The following TSC22D1 variants were observed in gnomAD, a reference collection of about 807,000 sequenced individuals.
TSC22D1 encodes the protein TSC22 domain family protein 1.
TSC22D1 carries 9 observed loss-of-function variants against 74.2 expected under a neutral mutation model. That is an observed-to-expected ratio of 0.12 (90% CI 0.07 to 0.21). TSC22D1 has a LOEUF of 0.21. TSC22D1 is among the 10% of genes least tolerant of loss of function. TSC22D1 has a pLI of 1.00. For synonymous variants in TSC22D1, 586 were observed against 492.5 expected (o/e 1.19, Z -2.51); for missense variants, 1,427 against 1,304.7 (o/e 1.09, Z -1.44).
intron 1 of TSC22D1, among the ~76,000 whole-genome samples, chr13:44,448,892 C>CTT (rs138708442): frequency 6.7e-6 from 1 of 150,082 alleles, no homozygotes; most frequent in South Asian, 2.1e-4. Flanking sequence ...ATTCTAGATC[C>CTT]GTGTGTGTGT....
At chr13:44,533,102 G>C (rs1880945112) in intron 1 of TSC22D1, among the ~76,000 whole-genome samples, 1 of 152,102 alleles carries the variant, frequency 6.6e-6, no homozygotes, top group African/African-American at 2.4e-5. Flanking sequence ...CTAAACTAGA[G>C]AATTCTAAAG....
intron 1 of TSC22D1, among the ~76,000 whole-genome samples, chr13:44,513,156 T>C (rs907147454): frequency 7.2e-5 from 11 of 152,234 alleles, no homozygotes; most frequent in African/African-American, 2.7e-4. Context: ...GATCTCACAG[T>C]ACTCCTCTAC....
At chr13:44,518,371 T>A (rs1880153373) in intron 1 of TSC22D1, among the ~76,000 whole-genome samples, 1 of 152,168 alleles carries the variant, frequency 6.6e-6, no homozygotes. Context: ...TTCATTCAGT[T>A]CTAATTATAG....
At chr13:44,498,079 T>A (rs1377844794) in intron 1 of TSC22D1, among the ~76,000 whole-genome samples, 4 of 144,544 alleles carry the variant, frequency 2.8e-5, no homozygotes, top group Middle Eastern at 3.4e-3. Context: ...CTGGGCAACA[T>A]GATAAAACCA....
intron 1 of TSC22D1, chr13:44,537,122 T>C (rs1881194596): frequency 2.2e-6 from 2 of 901,788 alleles, no homozygotes; most frequent in East Asian, 1.2e-4. Flanking sequence ...GGAGAAAATA[T>C]TTATTAGATT....
intron 1 of TSC22D1, among the ~76,000 whole-genome samples, chr13:44,477,888 G>A (rs1351208463): frequency 2.0e-5 from 3 of 151,994 alleles, no homozygotes; most frequent in South Asian, 2.1e-4. Context: ...TGATCTGCCC[G>A]CCTCAGCCTC....
At chr13:44,440,127 T>C (rs1875067259) in intron 1 of TSC22D1, among the ~76,000 whole-genome samples, 1 of 152,194 alleles carries the variant, frequency 6.6e-6, no homozygotes, top group Admixed American at 6.5e-5. Context: ...CAGTTAAATG[T>C]GAATGGCAGA....
intron 1 of TSC22D1, among the ~76,000 whole-genome samples, chr13:44,506,261 A>G (rs1156759639): frequency 1.3e-5 from 2 of 152,232 alleles, no homozygotes; most frequent in Admixed American, 6.5e-5. Flanking sequence ...GGAACAGTTG[A>G]GTAGGAATTC....
intron 1 of TSC22D1, among the ~76,000 whole-genome samples, chr13:44,513,381 G>A (rs1034721151): frequency 1.3e-5 from 2 of 152,220 alleles, no homozygotes; most frequent in East Asian, 3.9e-4. Context: ...ATATATAAAT[G>A]TTTTTGGTGA....
chr13:44,509,950 C>CAAAAAAACAAAA (rs1879615564), intron 1 of TSC22D1, among the ~76,000 whole-genome samples: 1 of 51,426 alleles, frequency 1.9e-5, no homozygotes, highest in Non-Finnish European at 3.6e-5. Flanking sequence ...AGAAAATAAG[C>CAAAAAAACAAAA]AAAAAAAAAA....
At chr13:44,551,393 T>A (rs113467135) in intron 1 of TSC22D1, among the ~76,000 whole-genome samples, 1 of 80,170 alleles carries the variant, frequency 1.2e-5, no homozygotes, top group African/African-American at 6.5e-5. Flanking sequence ...CAGATGGGTG[T>A]GTGTGTGTGT....
rs1595141957 is a variant in TSC22D1 at position 44,532,745 on chromosome 13, TTACAGGCGTGAGCCACCACACCCAG to T, written c.2912+40393_2912+40417del. ...GCCTCAGCCTCCCGAAGTGCTGGGA[TTACAGGCGTGAGCCACCACACCCAG>T]TCGATCTACAAAATCTTTAAGGATC... is the stretch of plus-strand genomic sequence containing the variant. On this transcript the variant is annotated intron_variant, in intron 1 of 2. Coordinates refer to ENST00000458659, the MANE Select transcript of TSC22D1 (RefSeq NM_183422.4). Among the ~76,000 whole-genome samples the T allele has an allele frequency of 1.3e-5, 2 of 152,284 alleles. 1 individual carries two copies. The highest frequency in any genetic ancestry group is 3.9e-4 in the East Asian group (2 of 5,164).
chr13:44,515,729 G>A (rs1056819908), intron 1 of TSC22D1, among the ~76,000 whole-genome samples: 7 of 152,094 alleles, frequency 4.6e-5, no homozygotes, highest in African/African-American at 1.7e-4. Flanking sequence ...GAGCTACCAT[G>A]CCTGGCCTAA....
At chr13:44,548,632 A>G (rs1406274905) in intron 1 of TSC22D1, among the ~76,000 whole-genome samples, 1 of 152,236 alleles carries the variant, frequency 6.6e-6, no homozygotes, top group Non-Finnish European at 1.5e-5. Flanking sequence ...ACAAGACAGT[A>G]AAACTTCAAA....
chr13:44,545,074 G>C (rs1208699409), intron 1 of TSC22D1, among the ~76,000 whole-genome samples: 2 of 152,092 alleles, frequency 1.3e-5, no homozygotes, highest in African/African-American at 4.8e-5. Flanking sequence ...AGTGGCTCAC[G>C]CCTGAAATCT....
Position 44,575,815 on chromosome 13 carries a change from AGGTTC to A in TSC22D1, c.255_259del (p.Asn86ProfsTer28). The A allele has an allele frequency of 1.2e-6, 2 of 1,613,210 alleles. No individual in the cohort carries two copies. Among genetic ancestry groups the A allele is most frequent in the Middle Eastern group, 3.3e-4 (2 of 6,056 alleles). On this transcript the variant is annotated frameshift_variant, in exon 1 of 3. Transcript: ENST00000458659. LOFTEE classifies it high-confidence loss of function. ...TGCCTGCAGCTGAGCCTGCGAAAGGAGGTTCAGGCTTTGTGGAGGCGGAGGCTGTG... is the reference window on the plus strand; with the variant it reads ...TGCCTGCAGCTGAGCCTGCGAAAGGAAGGCTTTGTGGAGGCGGAGGCTGTG...
At chr13:44,473,470 G>A (rs1266704787) in intron 1 of TSC22D1, among the ~76,000 whole-genome samples, 1 of 151,974 alleles carries the variant, frequency 6.6e-6, no homozygotes, top group African/African-American at 2.4e-5. Flanking sequence ...ACTCCAGCCT[G>A]GGCGACAGAG....
chr13:44,538,407 T>A (rs1881275564), intron 1 of TSC22D1: 1 of 985,374 alleles, frequency 1.0e-6, no homozygotes, highest in Non-Finnish European at 1.2e-6. Flanking sequence ...CTAGTTACTT[T>A]CAGTGTCAGG....
At position 44,432,506 on chromosome 13, in the gene TSC22D1, AAT is replaced by A. The variant is rs1874129786; in HGVS notation, c.*2118_*2119del. On this transcript the variant is annotated 3_prime_UTR_variant, in exon 3 of 3. Transcript: ENST00000458659. The stretch of plus-strand genomic sequence containing the variant: ...TTACGTCCTTTTCAAATTCCCCCAA[AAT>A]ATCTTTATGACAACTGCTATCAGCC... The A allele has an allele frequency of 6.6e-6, 1 of 152,182 alleles. No individual in the cohort carries two copies. Among genetic ancestry groups the A allele is most frequent in the Non-Finnish European group, 1.5e-5 (1 of 68,016 alleles). The allele number at this position is 152,182 out of a possible 1,614,324, so 9.4% of individuals were successfully genotyped here. A position where few individuals can be genotyped will look rare whatever the true frequency, so the allele number is the denominator to read the frequency against.
Sources: allele counts gnomAD v4.1 joint callset (sites outside exome capture counted in the v4.1 genomes callset), GRCh38; gene constraint gnomAD v4.1.1; transcripts MANE v1.5; gene names NCBI Gene and HGNC (gene_info 2026-07-23, HGNC 2026-07-21).